CBLN4: variants seen among roughly 807,000 people sequenced by gnomAD.
CBLN4 encodes cerebellin 4 precursor, also known as cerebellin-4.
In CBLN4, 7 loss-of-function variants were observed where a neutral mutation model predicts 14.9. That is an observed-to-expected ratio of 0.47 (90% CI 0.27 to 0.88). The LOEUF is 0.88. CBLN4 is among the 40% of genes least tolerant of loss of function. The probability of loss-of-function intolerance (pLI) is 0.14; values close to 1 mark genes in which losing one functional copy is unlikely to be tolerated. For synonymous variants in CBLN4, 131 were observed against 116.5 expected (o/e 1.12, Z -0.80); for missense variants, 188 against 256.8 (o/e 0.73, Z 1.83).
At position 55,998,443 on chromosome 20, in the gene CBLN4, T is replaced by A; in HGVS notation, c.*114A>T. The A allele has an allele frequency of 8.7e-7, 1 of 1,155,414 alleles. No homozygotes were observed. The highest frequency in any genetic ancestry group is 1.2e-6 in the Non-Finnish European group (1 of 803,768). The allele number at this position is 1,155,414 out of a possible 1,614,324, so 71.6% of individuals were successfully genotyped here. The stretch of plus-strand genomic sequence containing the variant: ...CAGGCTAGAATCCTTAGAATCCATA[T>A]CCACCCATGAGAAACCAATAAAAGA... On this transcript the variant is annotated 3_prime_UTR_variant, in exon 3 of 3. Transcript: ENST00000064571.
Position 56,004,417 on chromosome 20 carries a change from C to T in CBLN4, c.-246G>A. 1 of 431,210 alleles carries T rather than the reference C, an allele frequency of 2.3e-6. No homozygotes were observed. The highest frequency in any genetic ancestry group is 4.0e-6 in the Non-Finnish European group (1 of 248,942). 26.7% of individuals were successfully genotyped at this position (431,210 alleles called of 1,614,324 possible). On this transcript the variant is annotated 5_prime_UTR_variant, in exon 1 of 3. Coordinates refer to ENST00000064571, the MANE Select transcript of CBLN4 (RefSeq NM_080617.6). The surrounding 1 kb of genome is among the most constrained non-coding windows in gnomAD (Gnocchi z 6.1). The stretch of plus-strand genomic sequence containing the variant: ...AGCTCATGCAGCACCCTTTACCCTA[C>T]TCTCCTCCGCCCAAGAATCAGCCCT...
chr20:56,003,380 G>A lies in CBLN4; in HGVS notation c.291+501C>T, dbSNP rs73278976. 2.5e-3 allele frequency among the ~76,000 whole-genome samples: 379 copies of A among 152,374 alleles called. 1 individual carries two copies. The highest frequency in any genetic ancestry group is 8.8e-3 in the African/African-American group (367 of 41,594). Reference sequence around the variant, plus strand: ...CCCCGCCCTCCGCGGCCACCTGCCCGATCTCTGAAGAGTGTGGAAGCCCGG... The same window carrying A: ...CCCCGCCCTCCGCGGCCACCTGCCCAATCTCTGAAGAGTGTGGAAGCCCGG... On this transcript the variant is annotated intron_variant, in intron 1 of 2. Coordinates refer to ENST00000064571, the MANE Select transcript of CBLN4 (RefSeq NM_080617.6).
intron 2 of CBLN4, 46 bp from the exon 3 acceptor site, chr20:55,998,800 CA>C: frequency 7.2e-7 from 1 of 1,389,214 alleles, no homozygotes; most frequent in Non-Finnish European, 1.0e-6. Flanking sequence ...TCTTTAAAGT[CA>C]AAACATCTAC....
chr20:56,003,799 G>C, intron 1 of CBLN4, 82 bp downstream of exon 1: 1 of 1,435,252 alleles, frequency 7.0e-7, no homozygotes, highest in Non-Finnish European at 9.5e-7. Context: ...AATCGGACCA[G>C]CTTAGCCTGG....
At chr20:56,003,851 C>T (rs141241597) in intron 1 of CBLN4, 30 bp downstream of exon 1, 22 of 1,569,950 alleles carry the variant, frequency 1.4e-5, no homozygotes, top group Middle Eastern at 1.7e-4. Flanking sequence ...CCGCCCACCC[C>T]CTAGGTGCTC....
At chr20:56,000,592 G>T in intron 2 of CBLN4, 139 bp downstream of exon 2, 1 of 443,950 alleles carries the variant, frequency 2.3e-6, no homozygotes, top group Non-Finnish European at 4.0e-6. Flanking sequence ...TAGAAATTAA[G>T]TGTTTTAAAA....
chr20:56,001,560 T>C (rs981220320), intron 1 of CBLN4, among the ~76,000 whole-genome samples: 9 of 152,120 alleles, frequency 5.9e-5, no homozygotes, highest in African/African-American at 2.2e-4. Context: ...AATGTGGCAA[T>C]GAGTCAGCCC....
Position 55,997,830 on chromosome 20 carries a change from A to C in CBLN4, c.*727T>G, listed in dbSNP as rs930004572. ...TGAGGCTCAGGGATTGAGCACTTAG[A>C]TTTTGGGTAAGCAACTTTTTCCTTG... On this transcript the variant is annotated 3_prime_UTR_variant, in exon 3 of 3. Transcript: ENST00000064571. The C allele has an allele frequency of 6.6e-6, 1 of 152,636 alleles. No homozygotes were observed. Among genetic ancestry groups the C allele is most frequent in the Non-Finnish European group, 1.5e-5 (1 of 68,030 alleles). The allele number at this position is 152,636 out of a possible 1,614,324, so 9.5% of individuals were successfully genotyped here. A position where few individuals can be genotyped will look rare whatever the true frequency, so the allele number is the denominator to read the frequency against.
chr20:55,997,656 CAA>C lies in CBLN4; in HGVS notation c.*899_*900del, dbSNP rs1986298969. The C allele has an allele frequency of 6.6e-6, 1 of 151,098 alleles. No individual in the cohort carries two copies. Among genetic ancestry groups the C allele is most frequent in the African/African-American group, 2.5e-5 (1 of 40,690 alleles). The allele number at this position is 151,098 out of a possible 1,614,324, so 9.4% of individuals were successfully genotyped here. ...CTTGAAAAATAGGTATAATTAGAAA[CAA>C]CAGCATCCCACCACCAGTTAATAAA... On this transcript the variant is annotated 3_prime_UTR_variant, in exon 3 of 3. Transcript: ENST00000064571.
At chr20:56,003,781 C>T in intron 1 of CBLN4, 100 bp downstream of exon 1, 1 of 1,256,298 alleles carries the variant, frequency 8.0e-7, no homozygotes, top group Non-Finnish European at 1.1e-6. Context: ...CATGATTCCC[C>T]ATTTCCCAAT....
rs1231470602 is a variant in CBLN4 at position 56,004,155 on chromosome 20, C to A, written c.17G>T (p.Arg6Leu). The A allele has an allele frequency of 1.1e-5, 17 of 1,542,394 alleles. No individual in the cohort carries two copies. Among genetic ancestry groups the A allele is most frequent in the Non-Finnish European group, 1.5e-5 (17 of 1,148,928 alleles). MGSGR[R>L]ALSAVPAVLL... Reference sequence around the variant, plus strand: ...CACGGCCGGCACCGCGGACAGCGCCCGGCGCCCGGAGCCCATGGTGAGCCG... The same window carrying A: ...CACGGCCGGCACCGCGGACAGCGCCAGGCGCCCGGAGCCCATGGTGAGCCG... The change falls in exon 1 of 3, where the codon CGG becomes CTG. Residue 6 changes from arginine to leucine, a missense_variant. Physicochemically the swap from Arg to Leu is moderately radical, Grantham distance 102. Coordinates refer to ENST00000064571, the MANE Select transcript of CBLN4 (RefSeq NM_080617.6). This position sits in a 1 kb window ranked among gnomAD's most constrained non-coding sequence, Gnocchi z 6.1.
rs188299646 is a variant in CBLN4 at position 56,004,595 on chromosome 20, G to A, written c.-424C>T. ...AAACCACGGAGCAGGAACAAAAAGA[G>A]GGGACTCAAAGAGAAGCCACAAGGG... On this transcript the variant is annotated 5_prime_UTR_variant, in exon 1 of 3. Transcript: ENST00000064571. This position sits in a 1 kb window ranked among gnomAD's most constrained non-coding sequence, Gnocchi z 6.1. The A allele has an allele frequency of 2.6e-4, 41 of 160,772 alleles. No homozygotes were observed. The highest frequency in any genetic ancestry group is 9.3e-4 in the African/African-American group (39 of 41,962). The allele number at this position is 160,772 out of a possible 1,614,324, so 10.0% of individuals were successfully genotyped here. A position where few individuals can be genotyped will look rare whatever the true frequency, so the allele number is the denominator to read the frequency against.
Position 55,998,411 on chromosome 20 carries a change from G to T in CBLN4, c.*146C>A. ...AAATAATCTGTGAAATTTTGTATTGGTTCAGACAGGCTAGAATCCTTAGAA... is the reference window on the plus strand; with the variant it reads ...AAATAATCTGTGAAATTTTGTATTGTTTCAGACAGGCTAGAATCCTTAGAA... On this transcript the variant is annotated 3_prime_UTR_variant, in exon 3 of 3. Transcript: ENST00000064571. The T allele has an allele frequency of 1.2e-6, 1 of 843,958 alleles. No individual in the cohort carries two copies. Among genetic ancestry groups the T allele is most frequent in the Non-Finnish European group, 1.8e-6 (1 of 544,018 alleles). The allele number at this position is 843,958 out of a possible 1,614,324, so 52.3% of individuals were successfully genotyped here. A position where few individuals can be genotyped will look rare whatever the true frequency, so the allele number is the denominator to read the frequency against.
At position 56,004,092 on chromosome 20, in the gene CBLN4, G is replaced by A. The variant is rs1380295389; in HGVS notation, c.80C>T (p.Ala27Val). The change falls in exon 1 of 3, where the codon GCA (alanine) becomes GTA (valine). Residue 27 changes from alanine to valine, a missense_variant. By Grantham distance (64) the Ala-to-Val change is moderately conservative. Coordinates refer to ENST00000064571, the MANE Select transcript of CBLN4 (RefSeq NM_080617.6). This position sits in a 1 kb window ranked among gnomAD's most constrained non-coding sequence, Gnocchi z 6.1. ...CACGATGGGCTCCGTGTCGTTCTGT[G>A]CCCAGACGGGCAGCCCCGGCAGCGT... ...VLTLPGLPVW[A>V]QNDTEPIVLE... The A allele has an allele frequency of 1.2e-6, 2 of 1,611,222 alleles. No individual in the cohort carries two copies. Among genetic ancestry groups the A allele is most frequent in the African/African-American group, 2.7e-5 (2 of 74,864 alleles).
chr20:56,004,028 C>A lies in CBLN4; in HGVS notation c.144G>T (p.Pro48=). 6.2e-7 allele frequency: 1 copy of A among 1,613,990 alleles called. No individual in the cohort carries two copies. Among genetic ancestry groups the A allele is most frequent in the Non-Finnish European group, 8.5e-7 (1 of 1,179,984 alleles). The change falls in exon 1 of 3, where the codon CCG becomes CCT. Residue 48 remains proline, a synonymous_variant. Coordinates refer to ENST00000064571, the MANE Select transcript of CBLN4 (RefSeq NM_080617.6). The surrounding 1 kb of genome is among the most constrained non-coding windows in gnomAD (Gnocchi z 6.1). ...GKCLVVCDSN[P]ATDSKGSSSS... is the part of the protein sequence containing the mutation. ...AAGAGGAGCCCTTGGAGTCCGTGGCCGGGTTCGAGTCGCACACCACCAGAC... is the reference window on the plus strand; with the variant it reads ...AAGAGGAGCCCTTGGAGTCCGTGGCAGGGTTCGAGTCGCACACCACCAGAC...
Position 55,998,646 on chromosome 20 carries a change from C to T in CBLN4, c.517G>A (p.Asp173Asn). ...TTCTCCAGTTTTAGGTAAACCTTATCCTCTTTATCTAGGTAGAGCAGGACA... is the reference window on the plus strand; with the variant it reads ...TTCTCCAGTTTTAGGTAAACCTTATTCTCTTTATCTAGGTAGAGCAGGACA... Reference protein sequence around the residue: ...NGVLLYLDKEDKVYLKLEKGN... With the variant: ...NGVLLYLDKENKVYLKLEKGN... The change falls in exon 3 of 3, where the codon GAT becomes AAT. Residue 173 changes from aspartate (D) to asparagine (N), a missense_variant. Around this residue, in one of 2 missense-constraint regions of CBLN4, gnomAD observed 93 missense variants for 157.7 expected, o/e 0.59. Coordinates refer to ENST00000064571, the MANE Select transcript of CBLN4 (RefSeq NM_080617.6). 1 of 1,614,144 alleles carries T rather than the reference C, an allele frequency of 6.2e-7. No individual in the cohort carries two copies. The highest frequency in any genetic ancestry group is 8.5e-7 in the Non-Finnish European group (1 of 1,179,998).
At position 56,004,741 on chromosome 20, in the gene CBLN4, C is replaced by T. The variant is rs1289269800; in HGVS notation, c.-570G>A. On this transcript the variant is annotated 5_prime_UTR_variant, in exon 1 of 3. Coordinates refer to ENST00000064571, the MANE Select transcript of CBLN4 (RefSeq NM_080617.6). The surrounding 1 kb of genome is among the most constrained non-coding windows in gnomAD (Gnocchi z 6.1). ...CGAGGCTGTGTTCATGGCCAGGACG[C>T]CAGCGACTCCCACTTTCGCCTGGTC... 1.3e-5 allele frequency: 2 copies of T among 152,448 alleles called. No homozygotes were observed. Among genetic ancestry groups the T allele is most frequent in the Non-Finnish European group, 2.9e-5 (2 of 68,242 alleles). The allele number at this position is 152,448 out of a possible 1,614,324, so 9.4% of individuals were successfully genotyped here.
intron 2 of CBLN4, among the ~76,000 whole-genome samples, chr20:55,999,487 G>C (rs538855550): frequency 6.6e-6 from 1 of 152,196 alleles, no homozygotes; most frequent in East Asian, 1.9e-4. Flanking sequence ...AAATTAGCCT[G>C]ATTGGTCACA....
At chr20:56,002,151 T>A (rs1251644147) in intron 1 of CBLN4, among the ~76,000 whole-genome samples, 7 of 152,164 alleles carry the variant, frequency 4.6e-5, no homozygotes, top group African/African-American at 1.7e-4. Flanking sequence ...AACACCTAAC[T>A]TAAAACACAT....
Sources: gnomAD v4.1 joint callset for allele counts (sites outside exome capture counted in the v4.1 genomes callset) on GRCh38, gnomAD v4.1.1 for gene constraint, gnomAD v4.1.1 regional missense constraint, Gnocchi (gnomAD v3.1) non-coding constraint, MANE v1.5 for transcripts, NCBI Gene and HGNC (gene_info 2026-07-23, HGNC 2026-07-21) for gene names.